Variants in DORIP1 observed in about 807,000 individuals in gnomAD.
DORIP1 encodes the protein dopamine receptor-interacting protein 1.
At chr14:44,902,939 T>G in the DORIP1 span, among the ~76,000 whole-genome samples, 2 of 152,174 alleles carry the variant, frequency 1.3e-5, no homozygotes, top group Non-Finnish European at 2.9e-5. Flanking sequence ...CTCTTTTGAA[T>G]CTTCTCACAA....
the DORIP1 span, chr14:44,905,490 T>C: frequency 6.4e-7 from 1 of 1,562,542 alleles, no homozygotes; most frequent in Non-Finnish European, 8.7e-7. Context: ...TTTTGTTAAA[T>C]AAACCCCCAG....
the DORIP1 span, chr14:44,898,829 G>A: frequency 1.3e-5 from 2 of 152,164 alleles, no homozygotes; most frequent in Non-Finnish European, 2.9e-5. Context: ...CTGTGTTCAT[G>A]TGTGTTTAAT....
the DORIP1 span, chr14:44,905,079 G>A: frequency 1.7e-5 from 4 of 240,894 alleles, no homozygotes; most frequent in Non-Finnish European, 2.3e-5. Flanking sequence ...ATACAAATCA[G>A]GAAATAAAGG....
the DORIP1 span, among the ~76,000 whole-genome samples, chr14:44,899,583 T>TA: frequency 6.6e-6 from 1 of 152,066 alleles, no homozygotes; most frequent in Non-Finnish European, 1.5e-5. Flanking sequence ...TTTTTTTTTT[T>TA]ACATAGTTTT....
At chr14:44,905,486 T>G in the DORIP1 span, 1 of 1,564,716 alleles carries the variant, frequency 6.4e-7, no homozygotes, top group Non-Finnish European at 8.7e-7. Flanking sequence ...TTAATTTTGT[T>G]AAATAAACCC....
the DORIP1 span, chr14:44,903,124 G>C: frequency 3.1e-6 from 3 of 971,770 alleles, no homozygotes; most frequent in Non-Finnish European, 3.2e-6. Flanking sequence ...TGCTAATAAA[G>C]GACTGAGCTG....
the DORIP1 span, chr14:44,900,316 G>A: frequency 3.2e-6 from 3 of 929,034 alleles, no homozygotes; most frequent in East Asian, 3.0e-5. Flanking sequence ...ATGTTGGGAG[G>A]CCTAATAACC....
chr14:44,903,151 A>G, the DORIP1 span: 3 of 1,254,878 alleles, frequency 2.4e-6, no homozygotes, highest in Non-Finnish European at 3.5e-6. Context: ...TTGTTATAAT[A>G]TATTAAGATA....
At chr14:44,904,424 GAATTTTC>G in the DORIP1 span, 1 of 1,610,352 alleles carries the variant, frequency 6.2e-7, no homozygotes. Context: ...TTTTCCCAAC[GAATTTTC>G]TGCCATGGGG....
chr14:44,897,586 C>A, the DORIP1 span: 259 of 167,494 alleles, frequency 1.5e-3, no homozygotes, highest in African/African-American at 6.0e-3. Context: ...GAGTTTGCTT[C>A]CTGGTGGACG....
the DORIP1 span, among the ~76,000 whole-genome samples, chr14:44,899,824 A>ATTTTTT: frequency 6.9e-5 from 8 of 115,296 alleles, no homozygotes; most frequent in East Asian, 2.4e-4. Context: ...TCATTTAGGA[A>ATTTTTT]TTTTTTTTTT....
chr14:44,906,814 A>G, the DORIP1 span: 3 of 152,590 alleles, frequency 2.0e-5, no homozygotes, highest in Non-Finnish European at 2.9e-5. Flanking sequence ...CCATGTTGAG[A>G]AAACTTACCC....
At chr14:44,903,102 T>C in the DORIP1 span, 19,907 of 754,058 alleles carry the variant, frequency 0.026, 1,082 homozygotes, top group African/African-American at 0.19. Flanking sequence ...TTATACTTGG[T>C]ATAACTGGTT....
At chr14:44,901,225 G>C in the DORIP1 span, among the ~76,000 whole-genome samples, 1 of 152,178 alleles carries the variant, frequency 6.6e-6, no homozygotes, top group Admixed American at 6.5e-5. Context: ...TTACCATATA[G>C]CCTCGGTGTG....
chr14:44,905,343 C>G, the DORIP1 span: 1 of 1,392,702 alleles, frequency 7.2e-7, no homozygotes, highest in Non-Finnish European at 9.7e-7. Flanking sequence ...AATTTTCTCT[C>G]ATACTATATT....
the DORIP1 span, chr14:44,904,266 G>T: frequency 7.0e-7 from 1 of 1,423,252 alleles, no homozygotes. Flanking sequence ...TATAACTATA[G>T]GTATTAACCA....
At chr14:44,906,692 CAATA>C in the DORIP1 span, 1 of 152,494 alleles carries the variant, frequency 6.6e-6, no homozygotes, top group Non-Finnish European at 1.5e-5. Flanking sequence ...GTTTACATTT[CAATA>C]AATAGTTCAC....
the DORIP1 span, among the ~76,000 whole-genome samples, chr14:44,898,285 T>C: frequency 6.6e-6 from 1 of 152,214 alleles, no homozygotes; most frequent in South Asian, 2.1e-4. Context: ...ATGATGAAAC[T>C]AGTATCCTCT....
the DORIP1 span, among the ~76,000 whole-genome samples, chr14:44,902,835 G>A: frequency 6.6e-6 from 1 of 152,012 alleles, no homozygotes; most frequent in Non-Finnish European, 1.5e-5. Context: ...AGGTACTTGA[G>A]GCCAAGAATG....
Sources: allele counts gnomAD v4.1 joint callset (sites outside exome capture counted in the v4.1 genomes callset), GRCh38; gene constraint gnomAD v4.1.1; transcripts MANE v1.5; gene names NCBI Gene and HGNC (gene_info 2026-07-23, HGNC 2026-07-21).